The following BAZ2B variants were observed in gnomAD, a reference collection of about 807,000 sequenced individuals.
BAZ2B encodes the protein bromodomain adjacent to zinc finger domain 2B, also known as bromodomain adjacent to zinc finger domain protein 2B.
BAZ2B carries 91 observed loss-of-function variants against 246.0 expected under a neutral mutation model. The observed-to-expected ratio is 0.37, with a 90% CI of 0.31 to 0.44. BAZ2B has a LOEUF of 0.44. Ranked by LOEUF, BAZ2B falls within the 20% of genes least tolerant of loss-of-function variation. The pLI is 1.00. For synonymous variants in BAZ2B, 855 were observed against 860.0 expected, an observed-to-expected ratio of 0.99 and a Z score of 0.10; for missense variants, 2,332 against 2,533.7, an observed-to-expected ratio of 0.92 and a Z score of 1.71.
chr2:159,606,244 C>T (rs999305212), intron 1 of BAZ2B, among the ~76,000 whole-genome samples: 4 of 152,106 alleles, frequency 2.6e-5, no homozygotes, highest in African/African-American at 9.7e-5. Flanking sequence ...TGTTTCTGCC[C>T]AAACCCTAAG....
intron 1 of BAZ2B, among the ~76,000 whole-genome samples, chr2:159,604,972 G>GGA (rs1423670968): frequency 3.2e-4 from 49 of 151,730 alleles, no homozygotes; most frequent in Non-Finnish European, 6.2e-4. Context: ...GCGCGCGCTA[G>GGA]GAGAGAGAGA....
rs2062563879 is a variant in BAZ2B, at chr2:159,320,360, T to C, written c.6412A>G (p.Thr2138Ala). The change falls in exon 37 of 37, where the codon ACA becomes GCA. Residue 2138 changes from threonine to alanine, a missense_variant. By Grantham distance (58) the Thr-to-Ala change is moderately conservative (BLOSUM62 0). Coordinates refer to ENST00000392783, the MANE Select transcript of BAZ2B (RefSeq NM_013450.4). ...ATATCAGAATCATCTTCATTAAATG[T>C]TTCACAGTTGTCAAAAACAAGCCTG... is the stretch of plus-strand genomic sequence containing the variant. The part of the protein sequence containing the change: ...DVRLVFDNCE[T>A]FNEDDSDIGR... 2.5e-6 allele frequency: 4 copies of C among 1,581,366 alleles called. No individual in the cohort carries two copies. The highest frequency in any genetic ancestry group is 3.4e-6 in the Non-Finnish European group (4 of 1,171,354).
intron 1 of BAZ2B, among the ~76,000 whole-genome samples, chr2:159,594,265 G>A (rs746105889): frequency 1.1e-4 from 17 of 152,178 alleles, no homozygotes; most frequent in Non-Finnish European, 2.2e-4. Context: ...AAATCAGCCA[G>A]GCGTGGTAGC....
Position 159,471,610 on chromosome 2 carries a change from G to T in BAZ2B, c.145+6965C>A, listed in dbSNP as rs2077807056. Among the ~76,000 whole-genome samples, 4 of 152,046 alleles carry T rather than the reference G, an allele frequency of 2.6e-5. No individual in the cohort carries two copies. In the South Asian group the frequency reaches 8.3e-4, roughly 32 times the overall value. On this transcript the variant is annotated intron_variant, in intron 3 of 36. Coordinates refer to ENST00000392783, the MANE Select transcript of BAZ2B (RefSeq NM_013450.4). ...CCCCCTGGCTCCCCCTAAAAAGAAG[G>T]TGTTTTGTATATACTGCTTTTTTTA...
the BAZ2B span, among the ~76,000 whole-genome samples, chr2:159,668,533 T>A: frequency 6.6e-6 from 1 of 152,208 alleles, no homozygotes; most frequent in Non-Finnish European, 1.5e-5. Context: ...CATGTTGAAT[T>A]TTGTCTACTG....
intron 27 of BAZ2B, among the ~76,000 whole-genome samples, chr2:159,356,762 G>A (rs1043023014): frequency 8.5e-5 from 13 of 152,166 alleles, no homozygotes; most frequent in African/African-American, 3.1e-4. Flanking sequence ...CCTGTGGGAC[G>A]AAGGTTCCAG....
chr2:159,394,845 T>C (rs1219080332), intron 20 of BAZ2B, among the ~76,000 whole-genome samples: 1 of 152,196 alleles, frequency 6.6e-6, no homozygotes, highest in Non-Finnish European at 1.5e-5. Context: ...CAAGGTCATA[T>C]AGCTGGAAAG....
upstream of BAZ2B, among the ~76,000 whole-genome samples, chr2:159,618,750 AAAGAT>A (rs1696312831): frequency 6.6e-6 from 1 of 152,146 alleles, no homozygotes; most frequent in African/African-American, 2.4e-5. Context: ...TTAATTTTGA[AAAGAT>A]AAGGAAAAAG....
chr2:159,320,278 A>T lies in BAZ2B; in HGVS notation c.6494T>A (p.Phe2165Tyr), dbSNP rs192683214. Residue 2165 changes from phenylalanine to tyrosine, a missense_variant, in exon 37 of 37, where the codon TTC (phenylalanine) becomes TAC (tyrosine). Coordinates refer to ENST00000392783, the MANE Select transcript of BAZ2B (RefSeq NM_013450.4). ...KYFEKKWTDT[F>Y]KVS ...ATTATTATAACTTCAGCTCACTTTG[A>T]AAGTATCTGTCCACTTTTTTTCAAA... is the stretch of plus-strand genomic sequence containing the variant. The T allele has an allele frequency of 6.4e-7, 1 of 1,551,970 alleles. No individual in the cohort carries two copies. Among genetic ancestry groups the T allele is most frequent in the African/African-American group, 1.4e-5 (1 of 70,308 alleles).
chr2:159,672,277 G>A, the BAZ2B span, among the ~76,000 whole-genome samples: 3 of 152,156 alleles, frequency 2.0e-5, no homozygotes, highest in African/African-American at 4.8e-5. Flanking sequence ...GTTAACAACC[G>A]TGAATGTACT....
intron 1 of BAZ2B, among the ~76,000 whole-genome samples, chr2:159,602,996 G>A (rs752415469): frequency 2.6e-4 from 39 of 152,140 alleles, no homozygotes; most frequent in Non-Finnish European, 5.1e-4. Context: ...AATTAGCCGG[G>A]CATGGTGGCA....
At chr2:159,500,363 T>C (rs2081579406) in intron 2 of BAZ2B, among the ~76,000 whole-genome samples, 1 of 152,188 alleles carries the variant, frequency 6.6e-6, no homozygotes, top group South Asian at 2.1e-4. Flanking sequence ...CTCTATTCTG[T>C]TCTATTGATC....
intron 6 of BAZ2B, among the ~76,000 whole-genome samples, chr2:159,440,517 G>GTTT (rs34338793): frequency 7.2e-6 from 1 of 138,966 alleles, no homozygotes. Context: ...AATGACTCTT[G>GTTT]TTTTTTTTTT....
intron 2 of BAZ2B, among the ~76,000 whole-genome samples, chr2:159,490,769 T>A (rs1016818540): frequency 2.0e-5 from 3 of 152,122 alleles, no homozygotes; most frequent in African/African-American, 7.2e-5. Flanking sequence ...TTAAAGGGGA[T>A]ATAAATGCTA....
intron 31 of BAZ2B, among the ~76,000 whole-genome samples, chr2:159,339,624 T>A (rs1353361028): frequency 6.6e-6 from 1 of 152,186 alleles, no homozygotes; most frequent in African/African-American, 2.4e-5. Context: ...ACTCCTATAT[T>A]TACTGCAGCA....
At chr2:159,321,674 G>A (rs555818796) in intron 36 of BAZ2B, among the ~76,000 whole-genome samples, 11 of 152,188 alleles carry the variant, frequency 7.2e-5, no homozygotes, top group Non-Finnish European at 7.4e-5. Flanking sequence ...CAAACATCAC[G>A]TGTTCTCACT....
chr2:159,598,947 A>G (rs1048236062), intron 1 of BAZ2B, among the ~76,000 whole-genome samples: 1 of 151,956 alleles, frequency 6.6e-6, no homozygotes, highest in Non-Finnish European at 1.5e-5. Flanking sequence ...ATACATACAT[A>G]AAATATAGCT....
the BAZ2B span, among the ~76,000 whole-genome samples, chr2:159,631,024 A>C: frequency 1.3e-5 from 2 of 152,008 alleles, no homozygotes; most frequent in Non-Finnish European, 2.9e-5. Flanking sequence ...TGAAACCCCA[A>C]CTTTACAAAA....
intron 20 of BAZ2B, among the ~76,000 whole-genome samples, chr2:159,392,422 CTTA>C (rs1028665753): frequency 1.6e-4 from 24 of 152,020 alleles, no homozygotes; most frequent in African/African-American, 5.8e-4. Context: ...TTCCATATAA[CTTA>C]TTATAGCATT....
Sources: allele counts gnomAD v4.1 joint callset (sites outside exome capture counted in the v4.1 genomes callset), GRCh38; gene constraint gnomAD v4.1.1; transcripts MANE v1.5; gene names NCBI Gene and HGNC (gene_info 2026-07-23, HGNC 2026-07-21).